Variants in OSBPL10 observed in about 807,000 individuals in gnomAD.
The protein encoded by OSBPL10 is oxysterol-binding protein-related protein 10.
Under a neutral mutation model 81.7 loss-of-function variants are expected in OSBPL10, and 49 were observed. The observed-to-expected ratio is 0.60, with a 90% CI of 0.48 to 0.76. OSBPL10 has a LOEUF of 0.76. Among genes scored for constraint, OSBPL10 ranks in the 30% least tolerant of loss-of-function variants. The probability of loss-of-function intolerance (pLI) is 0.00; values close to 1 mark genes in which losing one functional copy is unlikely to be tolerated. For synonymous variants in OSBPL10, 419 were observed against 383.6 expected (o/e 1.09, Z -1.08); for missense variants, 923 against 987.8 (o/e 0.93, Z 0.88).
At chr3:31,780,082 G>A (rs891760724) in intron 4 of OSBPL10, among the ~76,000 whole-genome samples, 5 of 152,110 alleles carry the variant, frequency 3.3e-5, no homozygotes, top group South Asian at 4.1e-4. Context: ...CATGAGGTCA[G>A]GCAATCGAGA....
intron 4 of OSBPL10, 97 bp downstream of exon 4, chr3:31,829,943 A>C (rs997313134): frequency 7.9e-7 from 1 of 1,265,606 alleles, no homozygotes; most frequent in African/African-American, 1.5e-5. Context: ...CTCTCTCCAT[A>C]AATCAAGACG....
intron 1 of OSBPL10, among the ~76,000 whole-genome samples, chr3:31,975,537 C>G (rs1176774493): frequency 6.6e-6 from 1 of 152,176 alleles, no homozygotes; most frequent in Non-Finnish European, 1.5e-5. Context: ...GAGTCAAAAG[C>G]AAGCCCTGGA....
At chr3:31,672,364 G>A (rs946703774) in intron 8 of OSBPL10, among the ~76,000 whole-genome samples, 5 of 102,872 alleles carry the variant, frequency 4.9e-5, no homozygotes, top group South Asian at 3.8e-4. Flanking sequence ...GCGGGGGCGG[G>A]GGGGGGGGCA....
At chr3:31,671,604 T>C (rs1700325213) in intron 8 of OSBPL10, among the ~76,000 whole-genome samples, 1 of 152,200 alleles carries the variant, frequency 6.6e-6, no homozygotes, top group Non-Finnish European at 1.5e-5. Flanking sequence ...AATCAGGCTG[T>C]ACAGCTGCTG....
chr3:31,963,277 TTATA>T (rs1325112202), intron 1 of OSBPL10, among the ~76,000 whole-genome samples: 1 of 151,916 alleles, frequency 6.6e-6, no homozygotes, highest in Non-Finnish European at 1.5e-5. Flanking sequence ...CCCCTTCTCC[TTATA>T]TAAAGTGTTT....
At chr3:31,899,295 T>C (rs779242177) in intron 1 of OSBPL10, among the ~76,000 whole-genome samples, 2 of 151,504 alleles carry the variant, frequency 1.3e-5, no homozygotes, top group South Asian at 2.1e-4. Flanking sequence ...GGGAAACCAA[T>C]AGAAAATATA....
intron 4 of OSBPL10, among the ~76,000 whole-genome samples, chr3:31,811,214 C>A (rs1699670390): frequency 6.6e-6 from 1 of 152,060 alleles, no homozygotes; most frequent in African/African-American, 2.4e-5. Flanking sequence ...TGGGGGTGGG[C>A]AAGGACTGAG....
intron 2 of OSBPL10, among the ~76,000 whole-genome samples, chr3:32,033,370 C>G (rs531190157): frequency 6.6e-6 from 1 of 152,178 alleles, no homozygotes; most frequent in South Asian, 2.1e-4. Flanking sequence ...GGATGCCAGT[C>G]CTAAGATTAG....
At chr3:31,989,060 C>T in intron 2 of OSBPL10, 1 of 1,613,680 alleles carries the variant, frequency 6.2e-7, no homozygotes. Context: ...CACTGCAGCA[C>T]TATTGATTTC....
At chr3:31,965,956 A>G (rs1698387955) in intron 1 of OSBPL10, among the ~76,000 whole-genome samples, 1 of 127,166 alleles carries the variant, frequency 7.9e-6, no homozygotes, top group Non-Finnish European at 1.6e-5. Context: ...AATATATATT[A>G]TATATTATAT....
At position 31,905,345 on chromosome 3, in the gene OSBPL10, ATTTTTTTTTTTT is replaced by A. The variant is rs386396290; in HGVS notation, c.282-25527_282-25516del. ...GAGCTCTATGTCAAGGAACCTGGTG[ATTTTTTTTTTTT>A]TTTTTTTTTTTAGACGGACTCCCGT... On this transcript the variant is annotated intron_variant, in intron 1 of 11. Transcript: ENST00000396556. Among the ~76,000 whole-genome samples, 28 of 94,818 alleles carry A rather than the reference ATTTTTTTTTTTT, an allele frequency of 3.0e-4. 2 individuals are homozygous for A. The highest frequency in any genetic ancestry group is 1.3e-3 in the African/African-American group (27 of 21,288). 62.2% of individuals were successfully genotyped at this position (94,818 alleles called of 152,430 possible).
chr3:31,919,387 T>C (rs1178671680), intron 1 of OSBPL10: 5 of 152,230 alleles, frequency 3.3e-5, no homozygotes, highest in Admixed American at 6.5e-5. Context: ...GGTGACTTAC[T>C]GAATGAGGCT....
intron 1 of OSBPL10, among the ~76,000 whole-genome samples, chr3:31,915,631 G>T (rs1696732195): frequency 6.6e-6 from 1 of 152,052 alleles, no homozygotes; most frequent in Non-Finnish European, 1.5e-5. Flanking sequence ...AGGGAGCAAG[G>T]GTTGAAAAAC....
At position 31,981,237 on chromosome 3, in the gene OSBPL10, CT is replaced by C. The variant is rs1698835666; in HGVS notation, c.-59del. 1 of 1,327,426 alleles carries C rather than the reference CT, an allele frequency of 7.5e-7. No individual in the cohort carries two copies. The highest frequency in any genetic ancestry group is 9.6e-7 in the Non-Finnish European group (1 of 1,046,772). 82.2% of individuals were successfully genotyped at this position (1,327,426 alleles called of 1,614,324 possible). ...CGCGGTGGCGGCCCCGGCACGGCGGCTGCTGCTGCTGCTACAGCTCCGGACG... is the reference window on the plus strand; with the variant it reads ...CGCGGTGGCGGCCCCGGCACGGCGGCGCTGCTGCTGCTACAGCTCCGGACG... On this transcript the variant is annotated 5_prime_UTR_variant, in exon 1 of 12. Transcript: ENST00000396556. This position sits in a 1 kb window ranked among gnomAD's most constrained non-coding sequence, Gnocchi z 4.5.
chr3:31,895,730 G>A (rs1224102768), intron 1 of OSBPL10, among the ~76,000 whole-genome samples: 1 of 152,138 alleles, frequency 6.6e-6, no homozygotes, highest in Non-Finnish European at 1.5e-5. Flanking sequence ...TAGTAACTGA[G>A]GATACACTGG....
intron 3 of OSBPL10, among the ~76,000 whole-genome samples, chr3:31,853,919 A>C (rs534351702): frequency 2.7e-4 from 41 of 152,350 alleles, no homozygotes; most frequent in African/African-American, 9.6e-4. Context: ...ATAACGTTTC[A>C]GGGTTTTATC....
chr3:31,820,161 T>C (rs1699944657), intron 4 of OSBPL10, among the ~76,000 whole-genome samples: 1 of 152,206 alleles, frequency 6.6e-6, no homozygotes, highest in Non-Finnish European at 1.5e-5. Flanking sequence ...GACTTGAGGA[T>C]AGCACAAGGA....
chr3:31,931,097 G>A (rs1697235679), intron 1 of OSBPL10, among the ~76,000 whole-genome samples: 1 of 150,932 alleles, frequency 6.6e-6, no homozygotes. Flanking sequence ...CAATATCTCT[G>A]GGAGCATATA....
chr3:32,008,913 A>C (rs1699228109), intron 2 of OSBPL10, among the ~76,000 whole-genome samples: 1 of 152,238 alleles, frequency 6.6e-6, no homozygotes, highest in African/African-American at 2.4e-5. Context: ...TATAATTTAC[A>C]TACATTATGC....
Sources: allele counts gnomAD v4.1 joint callset (sites outside exome capture counted in the v4.1 genomes callset), GRCh38; gene constraint gnomAD v4.1.1; non-coding constraint Gnocchi (gnomAD v3.1); transcripts MANE v1.5; gene names NCBI Gene and HGNC (gene_info 2026-07-23, HGNC 2026-07-21).